Variants in GAB1 observed in about 807,000 individuals in gnomAD.
The protein encoded by GAB1 is GRB2 associated binding protein 1, also known as GRB2-associated-binding protein 1.
Under a neutral mutation model 66.5 loss-of-function variants are expected in GAB1, and 19 were observed. That is an observed-to-expected ratio of 0.29 (90% CI 0.20 to 0.42). The LOEUF is 0.42. Ranked by LOEUF, GAB1 falls within the 10% of genes least tolerant of loss-of-function variation. GAB1 has a pLI of 1.00. For synonymous variants in GAB1, 294 were observed against 301.4 expected, an observed-to-expected ratio of 0.98 and a Z score of 0.25; for missense variants, 732 against 858.5, an observed-to-expected ratio of 0.85 and a Z score of 1.84.
intron 1 of GAB1, among the ~76,000 whole-genome samples, chr4:143,411,090 C>A (rs1286856616): frequency 6.6e-6 from 1 of 151,972 alleles, no homozygotes; most frequent in Non-Finnish European, 1.5e-5. Flanking sequence ...ACAAGTATTT[C>A]CAATGTGGTT....
At chr4:143,395,138 T>C (rs567415923) in intron 1 of GAB1, 1 of 152,338 alleles carries the variant, frequency 6.6e-6, no homozygotes, top group East Asian at 1.9e-4. Flanking sequence ...TTGAATTGTT[T>C]AGATAAGGTT....
chr4:143,415,888 G>A, intron 2 of GAB1, 117 bp downstream of exon 2: 1 of 818,580 alleles, frequency 1.2e-6, no homozygotes, highest in Non-Finnish European at 1.8e-6. Flanking sequence ...TTTTATAATA[G>A]GAACTTGACA....
At position 143,438,354 on chromosome 4, in the gene GAB1, T is replaced by C. The variant is rs1411917656; in HGVS notation, c.949T>C (p.Tyr317His). The change falls in exon 4 of 10, where the codon TAT becomes CAT. Residue 317 changes from tyrosine to histidine, a missense_variant. Around this residue, in one of 4 missense-constraint regions of GAB1, gnomAD observed 427 missense variants for 420.6 expected, o/e 1.02. Transcript: ENST00000262994. ...CATTCCTCCAACACCTGGTAATACT[T>C]ATCAGATTCCACGAACATTTCCAGA... ...YDIPPTPGNT[Y>H]QIPRTFPEGT... 1.9e-6 allele frequency: 3 copies of C among 1,614,120 alleles called. No individual in the cohort carries two copies. In the South Asian group the frequency reaches 3.3e-5, roughly 18 times the overall value.
rs1416405245 is a variant in GAB1 at position 143,371,238 on chromosome 4, A to G, written c.72+33978A>G. 2.0e-5 allele frequency among the ~76,000 whole-genome samples: 3 copies of G among 152,048 alleles called. No individual in the cohort carries two copies. In the East Asian group the frequency reaches 5.8e-4, roughly 29 times the overall value. ...GTTTCCTGACTTTTTAATGATCGCC[A>G]TTCTAACTGGTGTGAGATGGTATCT... On this transcript the variant is annotated intron_variant, in intron 1 of 9. Coordinates refer to ENST00000262994, the MANE Select transcript of GAB1 (RefSeq NM_002039.4).
chr4:143,407,584 A>G (rs899107561), intron 1 of GAB1, among the ~76,000 whole-genome samples: 13 of 152,308 alleles, frequency 8.5e-5, no homozygotes, highest in African/African-American at 3.1e-4. Flanking sequence ...TTTTGTTTAT[A>G]TTACTAAGCT....
intron 1 of GAB1, 78 bp from the exon 2 acceptor site, chr4:143,415,399 T>C: frequency 1.8e-6 from 2 of 1,113,026 alleles, no homozygotes; most frequent in Non-Finnish European, 2.6e-6. Context: ...ATTTGTAAAA[T>C]CAGTTTGATA....
chr4:143,369,792 T>C (rs564520946), intron 1 of GAB1, among the ~76,000 whole-genome samples: 1 of 152,394 alleles, frequency 6.6e-6, no homozygotes, highest in African/African-American at 2.4e-5. Flanking sequence ...GCAGTTGTGC[T>C]GAGACATGAG....
chr4:143,453,055 G>A (rs571993761), intron 6 of GAB1, among the ~76,000 whole-genome samples: 13 of 152,064 alleles, frequency 8.5e-5, no homozygotes, highest in African/African-American at 1.9e-4. Flanking sequence ...TTTTTTTCTC[G>A]TTTCTTTCCG....
At chr4:143,374,087 G>T (rs779044168) in intron 1 of GAB1, among the ~76,000 whole-genome samples, 1 of 151,538 alleles carries the variant, frequency 6.6e-6, no homozygotes, top group Non-Finnish European at 1.5e-5. Context: ...TCTTCCTGGA[G>T]ATCTTTTTTG....
At chr4:143,413,473 G>A (rs1436060641) in intron 1 of GAB1, among the ~76,000 whole-genome samples, 4 of 152,152 alleles carry the variant, frequency 2.6e-5, no homozygotes, top group South Asian at 2.1e-4. Flanking sequence ...TTTGAGCTGC[G>A]TGAAGAATGA....
chr4:143,456,231 G>A (rs1025709541), intron 6 of GAB1, among the ~76,000 whole-genome samples: 2 of 152,172 alleles, frequency 1.3e-5, no homozygotes, highest in South Asian at 2.1e-4. Context: ...GCCAAGGCGG[G>A]TGGATCACAA....
chr4:143,404,740 A>G (rs565097451), intron 1 of GAB1, among the ~76,000 whole-genome samples: 2 of 152,334 alleles, frequency 1.3e-5, no homozygotes, highest in African/African-American at 4.8e-5. Context: ...ACAGAGCGAG[A>G]CACTGTTGCA....
intron 1 of GAB1, among the ~76,000 whole-genome samples, chr4:143,384,641 C>A (rs902085193): frequency 6.6e-6 from 1 of 152,228 alleles, no homozygotes; most frequent in Non-Finnish European, 1.5e-5. Context: ...ATTGCTCACC[C>A]TTTCCTGGAG....
chr4:143,352,769 G>A (rs143013336), intron 1 of GAB1, among the ~76,000 whole-genome samples: 175 of 152,272 alleles, frequency 1.1e-3, no homozygotes, highest in Non-Finnish European at 1.8e-3. Flanking sequence ...AAATTCAATA[G>A]AAGTAAATAC....
At chr4:143,408,718 C>T (rs182288270) in intron 1 of GAB1, among the ~76,000 whole-genome samples, 41 of 152,214 alleles carry the variant, frequency 2.7e-4, no homozygotes, top group African/African-American at 7.7e-4. Flanking sequence ...TTTTGTGAAA[C>T]GCACATCTTC....
chr4:143,359,056 T>G (rs1729559293), intron 1 of GAB1, among the ~76,000 whole-genome samples: 1 of 152,180 alleles, frequency 6.6e-6, no homozygotes, highest in Non-Finnish European at 1.5e-5. Flanking sequence ...AGGTTGGTTA[T>G]AAACTGCAGA....
At chr4:143,349,519 A>T in intron 1 of GAB1, 1 of 1,531,488 alleles carries the variant, frequency 6.5e-7, no homozygotes, top group Non-Finnish European at 8.9e-7. Flanking sequence ...CATCATGAGC[A>T]GCTTCTTAGG....
intron 2 of GAB1, chr4:143,425,614 G>C (rs538282766): frequency 5.2e-6 from 4 of 762,010 alleles, no homozygotes; most frequent in Admixed American, 5.1e-5. Context: ...ACCATTTCCC[G>C]TGAACATCCA....
rs28989210 is a variant in GAB1, at chr4:143,357,708, C to T, written c.72+20448C>T. Among the ~76,000 whole-genome samples the T allele has an allele frequency of 5.7e-3, 873 of 152,180 alleles. 6 individuals are homozygous for T. The highest frequency in any genetic ancestry group is 8.0e-3 in the Non-Finnish European group (546 of 68,004). On this transcript the variant is annotated intron_variant, in intron 1 of 9. Coordinates refer to ENST00000262994, the MANE Select transcript of GAB1 (RefSeq NM_002039.4). Reference sequence around the variant, plus strand: ...CAATTTGCAACCTGTCTTGTACTTACCCTTTGGAATAGAAAGATACAGTCT... The same window carrying T: ...CAATTTGCAACCTGTCTTGTACTTATCCTTTGGAATAGAAAGATACAGTCT...
Sources: allele counts gnomAD v4.1 joint callset (sites outside exome capture counted in the v4.1 genomes callset), GRCh38; gene constraint gnomAD v4.1.1; regional missense constraint gnomAD v4.1.1; transcripts MANE v1.5; gene names NCBI Gene and HGNC (gene_info 2026-07-23, HGNC 2026-07-21).